ZBTB20: variants seen among roughly 807,000 people sequenced by gnomAD.
ZBTB20 encodes zinc finger and BTB domain containing 20, also known as zinc finger and BTB domain-containing protein 20.
In ZBTB20, 9 loss-of-function variants were observed where a neutral mutation model predicts 56.9. That is an observed-to-expected ratio of 0.16 (90% confidence interval 0.10 to 0.28). ZBTB20 has a LOEUF of 0.28. ZBTB20 is among the 10% of genes least tolerant of loss of function. ZBTB20 has a pLI of 1.00. For missense variants in ZBTB20, 655 were observed against 1,003.0 expected, an observed-to-expected ratio of 0.65 and a Z score of 4.69; for synonymous variants, 417 against 420.7, an observed-to-expected ratio of 0.99 and a Z score of 0.11.
intron 7 of ZBTB20, among the ~76,000 whole-genome samples, chr3:114,390,176 T>A (rs1041364780): frequency 6.6e-6 from 1 of 152,144 alleles, no homozygotes; most frequent in Non-Finnish European, 1.5e-5. Flanking sequence ...GTATTTGTTT[T>A]TCTGTGCCTG....
chr3:114,358,779 T>G (rs961524887), intron 10 of ZBTB20, among the ~76,000 whole-genome samples: 22 of 152,224 alleles, frequency 1.4e-4, no homozygotes, highest in African/African-American at 5.1e-4. Flanking sequence ...CAAAGGATCT[T>G]AAATCTAAAT....
At chr3:114,677,807 C>T (rs1436802617) in intron 6 of ZBTB20, among the ~76,000 whole-genome samples, 4 of 152,102 alleles carry the variant, frequency 2.6e-5, no homozygotes, top group Non-Finnish European at 4.4e-5. Flanking sequence ...CTATCATTTT[C>T]TGTTTACTCT....
chr3:114,709,839 G>C (rs2063947233), intron 5 of ZBTB20, among the ~76,000 whole-genome samples: 1 of 152,134 alleles, frequency 6.6e-6, no homozygotes, highest in African/African-American at 2.4e-5. Context: ...GCTGATGCTA[G>C]ACCGGTGTCC....
In ZBTB20 at chr3:114,325,507, T is replaced by C. The variant is rs1230768117; in HGVS notation, c.*13498A>G. 5.9e-5 allele frequency: 9 copies of C among 152,180 alleles called. No individual in the cohort carries two copies. The highest frequency in any genetic ancestry group is 2.1e-4 in the South Asian group (1 of 4,832). The allele number at this position is 152,180 out of a possible 1,614,324, so 9.4% of individuals were successfully genotyped here. On this transcript the variant is annotated 3_prime_UTR_variant, in exon 12 of 12. Coordinates refer to ENST00000675478, the MANE Select transcript of ZBTB20 (RefSeq NM_001348800.3). Reference sequence around the variant, plus strand: ...GGAGTTTCTACAATTTCTCTAGAAGTGTTTGGCAGCATGAAGAGAAATCTT... The same window carrying C: ...GGAGTTTCTACAATTTCTCTAGAAGCGTTTGGCAGCATGAAGAGAAATCTT...
At chr3:114,553,059 T>A (rs1305537611) in intron 6 of ZBTB20, among the ~76,000 whole-genome samples, 1 of 152,228 alleles carries the variant, frequency 6.6e-6, no homozygotes, top group Non-Finnish European at 1.5e-5. Context: ...GACAGTTATA[T>A]GATGTTTTGC....
intron 6 of ZBTB20, among the ~76,000 whole-genome samples, chr3:114,654,596 T>A (rs1183818932): frequency 1.3e-5 from 2 of 152,080 alleles, no homozygotes; most frequent in Admixed American, 1.3e-4. Context: ...TCCTGTATGT[T>A]TTAAATATGT....
At chr3:114,867,575 A>C (rs900754815) in intron 4 of ZBTB20, among the ~76,000 whole-genome samples, 26 of 152,098 alleles carry the variant, frequency 1.7e-4, no homozygotes, top group Non-Finnish European at 3.1e-4. Context: ...AGCCAGGGTT[A>C]CAGACGCACC....
At position 114,900,334 on chromosome 3, in the gene ZBTB20, T is replaced by G. The variant is rs1051951541; in HGVS notation, c.-447A>C. ...CAGCTATGGGGCACAAACTTGCAAT[T>G]CATCAATTCTGAAATGTAAAAGAAA... On this transcript the variant is annotated 5_prime_UTR_variant, in exon 4 of 12. Coordinates refer to ENST00000675478, the MANE Select transcript of ZBTB20 (RefSeq NM_001348800.3). 1 of 137,460 alleles carries G rather than the reference T, an allele frequency of 7.3e-6. No individual in the cohort carries two copies. Among genetic ancestry groups the G allele is most frequent in the Non-Finnish European group, 1.5e-5 (1 of 64,550 alleles). The allele number at this position is 137,460 out of a possible 1,614,324, so 8.5% of individuals were successfully genotyped here. A position where few individuals can be genotyped will look rare whatever the true frequency, so the allele number is the denominator to read the frequency against.
intron 5 of ZBTB20, among the ~76,000 whole-genome samples, chr3:114,779,287 C>A (rs2069876950): frequency 6.6e-6 from 1 of 152,174 alleles, no homozygotes; most frequent in Admixed American, 6.5e-5. Context: ...TACAGGTACT[C>A]TTTATTTGTT....
intron 4 of ZBTB20, among the ~76,000 whole-genome samples, chr3:114,857,458 A>G (rs2075303662): frequency 6.6e-6 from 1 of 152,238 alleles, no homozygotes; most frequent in South Asian, 2.1e-4. Flanking sequence ...GGTGAACTGT[A>G]GGGAAGTACT....
intron 7 of ZBTB20, among the ~76,000 whole-genome samples, chr3:114,390,954 G>A (rs1195516221): frequency 2.0e-5 from 3 of 151,314 alleles, no homozygotes; most frequent in Admixed American, 6.6e-5. Context: ...ATCCAGTTAC[G>A]TGGGCCTACA....
intron 3 of ZBTB20, among the ~76,000 whole-genome samples, chr3:114,960,357 A>G (rs1345790285): frequency 6.6e-6 from 1 of 152,250 alleles, no homozygotes; most frequent in Non-Finnish European, 1.5e-5. Flanking sequence ...TCAACTGCAC[A>G]TATTTATATT....
chr3:114,747,138 A>G (rs2108625865), intron 5 of ZBTB20, among the ~76,000 whole-genome samples: 1 of 152,328 alleles, frequency 6.6e-6, no homozygotes, highest in Non-Finnish European at 1.5e-5. Flanking sequence ...AGAATGGCAA[A>G]CTATAATTTT....
chr3:114,407,191 A>C (rs1245745869), intron 7 of ZBTB20, among the ~76,000 whole-genome samples: 1 of 152,188 alleles, frequency 6.6e-6, no homozygotes, highest in Admixed American at 6.5e-5. Context: ...TTTGGATTAG[A>C]AAATCAAATA....
intron 2 of ZBTB20, among the ~76,000 whole-genome samples, 185 bp from the exon 3 acceptor site, chr3:114,974,601 T>C (rs2078022903): frequency 6.6e-6 from 1 of 152,156 alleles, no homozygotes; most frequent in Non-Finnish European, 1.5e-5. Flanking sequence ...GGCCCAAATA[T>C]ACAATCTAAA....
At chr3:114,759,777 C>T (rs760529738) in intron 5 of ZBTB20, among the ~76,000 whole-genome samples, 61 of 152,068 alleles carry the variant, frequency 4.0e-4, no homozygotes, top group Middle Eastern at 3.2e-3. Context: ...TTTATTGACT[C>T]CCAAATATAT....
chr3:114,905,084 A>G (rs260180), intron 3 of ZBTB20, among the ~76,000 whole-genome samples: 6,232 of 152,000 alleles, frequency 0.041, 431 homozygotes, highest in African/African-American at 0.14. Context: ...TCTACAATAC[A>G]CTAAGTGTTA....
intron 1 of ZBTB20, among the ~76,000 whole-genome samples, chr3:115,131,735 A>G (rs1240881565): frequency 6.6e-6 from 1 of 152,236 alleles, no homozygotes; most frequent in Non-Finnish European, 1.5e-5. Context: ...CAGGTAGAAT[A>G]TATCACATTT....
intron 4 of ZBTB20, among the ~76,000 whole-genome samples, chr3:114,807,369 T>A (rs1278849568): frequency 6.6e-6 from 1 of 152,044 alleles, no homozygotes; most frequent in Non-Finnish European, 1.5e-5. Context: ...ATTTCCAATC[T>A]GTATGCCACT....
Sources: gnomAD v4.1 joint callset for allele counts (sites outside exome capture counted in the v4.1 genomes callset) on GRCh38, gnomAD v4.1.1 for gene constraint, MANE v1.5 for transcripts, NCBI Gene and HGNC (gene_info 2026-07-23, HGNC 2026-07-21) for gene names.